Variants in NRXN1 observed in about 807,000 individuals in gnomAD.
NRXN1 encodes neurexin-1.
Under a neutral mutation model 150.9 loss-of-function variants are expected in NRXN1, and 39 were observed. That is an observed-to-expected ratio of 0.26 (90% CI 0.20 to 0.34). The LOEUF (loss-of-function observed/expected upper bound fraction) is 0.34. Ranked by LOEUF, NRXN1 falls within the 10% of genes least tolerant of loss-of-function variation. The pLI, the probability that NRXN1 is intolerant of heterozygous loss-of-function variation, is 1.00. For missense variants in NRXN1, 1,815 were observed against 1,949.9 expected, an observed-to-expected ratio of 0.93 and a Z score of 1.30; for synonymous variants, 924 against 757.0, an observed-to-expected ratio of 1.22 and a Z score of -3.62.
chr2:50,742,477 G>T (rs899264737), intron 5 of NRXN1, among the ~76,000 whole-genome samples: 9 of 151,324 alleles, frequency 5.9e-5, no homozygotes, highest in Non-Finnish European at 1.0e-4. Context: ...GCATGGTGGC[G>T]GGTGCCTGTA....
intron 5 of NRXN1, among the ~76,000 whole-genome samples, chr2:50,712,537 T>C (rs1240696032): frequency 6.6e-6 from 1 of 152,202 alleles, no homozygotes; most frequent in Non-Finnish European, 1.5e-5. Context: ...TATATCCTTT[T>C]GCACTTTTCA....
intron 21 of NRXN1, among the ~76,000 whole-genome samples, chr2:50,034,202 T>G (rs950871247): frequency 2.0e-5 from 3 of 152,100 alleles, no homozygotes; most frequent in Non-Finnish European, 4.4e-5. Context: ...CATATGTTCA[T>G]TGCAGCACCA....
At chr2:50,302,846 A>C (rs2074283557) in intron 17 of NRXN1, among the ~76,000 whole-genome samples, 1 of 152,076 alleles carries the variant, frequency 6.6e-6, no homozygotes, top group African/African-American at 2.4e-5. Context: ...AACAGTTCCG[A>C]ATTTGTTGGA....
At chr2:50,237,025 G>C in intron 17 of NRXN1, 55 bp from the exon 18 acceptor site, 1 of 1,531,582 alleles carries the variant, frequency 6.5e-7, no homozygotes, top group Non-Finnish European at 9.0e-7. Flanking sequence ...CTGCACATTA[G>C]CAAGGCATGT....
intron 17 of NRXN1, among the ~76,000 whole-genome samples, chr2:50,267,474 G>C (rs2069033717): frequency 6.6e-6 from 1 of 152,110 alleles, no homozygotes; most frequent in African/African-American, 2.4e-5. Context: ...TAAACATCCT[G>C]AAGGGCCCCA....
chr2:50,559,856 A>G (rs1199908042), intron 8 of NRXN1, among the ~76,000 whole-genome samples: 1 of 152,208 alleles, frequency 6.6e-6, no homozygotes, highest in Admixed American at 6.5e-5. Flanking sequence ...CAAAAATTAG[A>G]AATTTGGTTT....
intron 21 of NRXN1, among the ~76,000 whole-genome samples, chr2:50,033,033 C>T (rs1483825401): frequency 2.6e-5 from 4 of 151,246 alleles, no homozygotes; most frequent in South Asian, 4.2e-4. Context: ...TGTATACACA[C>T]ATATATATAT....
intron 5 of NRXN1, chr2:50,632,670 T>C (rs1280936576): frequency 1.3e-5 from 2 of 152,072 alleles, no homozygotes; most frequent in African/African-American, 4.8e-5. Flanking sequence ...CTTTTAAGAA[T>C]TATAAAGACA....
At chr2:50,784,912 T>C (rs1019775011) in intron 5 of NRXN1, among the ~76,000 whole-genome samples, 1 of 152,066 alleles carries the variant, frequency 6.6e-6, no homozygotes, top group African/African-American at 2.4e-5. Context: ...GGGTTATAGA[T>C]ACGAATTGGA....
At chr2:50,180,982 G>C (rs1286256658) in intron 18 of NRXN1, among the ~76,000 whole-genome samples, 1 of 151,962 alleles carries the variant, frequency 6.6e-6, no homozygotes, top group East Asian at 1.9e-4. Flanking sequence ...AAATTAATTA[G>C]GGGTTTTCTT....
At chr2:50,927,232 T>A (rs1362963412) in intron 2 of NRXN1, among the ~76,000 whole-genome samples, 2 of 152,038 alleles carry the variant, frequency 1.3e-5, no homozygotes, top group East Asian at 3.9e-4. Flanking sequence ...ACCTTCTTAA[T>A]TGGATAAAGT....
At chr2:50,269,436 C>G (rs186852042) in intron 17 of NRXN1, among the ~76,000 whole-genome samples, 1 of 152,312 alleles carries the variant, frequency 6.6e-6, no homozygotes, top group Admixed American at 6.5e-5. Flanking sequence ...ATGATTACGT[C>G]TACGTATTTA....
At chr2:50,526,574 G>A (rs991195362) in intron 12 of NRXN1, 1 of 152,172 alleles carries the variant, frequency 6.6e-6, no homozygotes, top group African/African-American at 2.4e-5. Context: ...CTGTGTGTTA[G>A]GTTTGCATTA....
At chr2:49,923,432 C>T (rs1043841094) in intron 22 of NRXN1, among the ~76,000 whole-genome samples, 4 of 152,104 alleles carry the variant, frequency 2.6e-5, no homozygotes, top group Non-Finnish European at 5.9e-5. Context: ...TTTCAAAACA[C>T]TATTCTTTGC....
At chr2:50,700,894 C>T (rs1225568838) in intron 5 of NRXN1, among the ~76,000 whole-genome samples, 1 of 151,790 alleles carries the variant, frequency 6.6e-6, no homozygotes, top group Non-Finnish European at 1.5e-5. Context: ...TCTCAGTCTC[C>T]TGACCTCGTG....
chr2:50,327,983 C>G (rs953478864), intron 17 of NRXN1, among the ~76,000 whole-genome samples: 3 of 152,022 alleles, frequency 2.0e-5, no homozygotes, highest in Admixed American at 2.0e-4. Flanking sequence ...TATTTTTCTT[C>G]TTTTTCTTAT....
chr2:50,348,875 A>T (rs1429322880), intron 17 of NRXN1, among the ~76,000 whole-genome samples: 1 of 152,172 alleles, frequency 6.6e-6, no homozygotes, highest in Non-Finnish European at 1.5e-5. Flanking sequence ...TAAAGCCAAA[A>T]GAAAGCAACA....
At chr2:50,092,408 T>A (rs1470655174) in intron 18 of NRXN1, among the ~76,000 whole-genome samples, 2 of 152,216 alleles carry the variant, frequency 1.3e-5, no homozygotes, top group Non-Finnish European at 2.9e-5. Context: ...GATTTGTCCT[T>A]AATCAGTTGC....
intron 18 of NRXN1, among the ~76,000 whole-genome samples, chr2:50,161,992 G>A (rs112854778): frequency 1.3e-5 from 2 of 152,202 alleles, no homozygotes; most frequent in South Asian, 2.1e-4. Flanking sequence ...TCATTGTAGC[G>A]AAAGAGTATC....
Sources: gnomAD v4.1 joint callset for allele counts (sites outside exome capture counted in the v4.1 genomes callset) on GRCh38, gnomAD v4.1.1 for gene constraint, MANE v1.5 for transcripts, NCBI Gene and HGNC (gene_info 2026-07-23, HGNC 2026-07-21) for gene names.